Variants in FRMD4A observed in about 807,000 individuals in gnomAD.
The protein encoded by FRMD4A is FERM domain containing 4A, also known as FERM domain-containing protein 4A.
In FRMD4A, 29 loss-of-function variants were observed where a neutral mutation model predicts 129.1. That is an observed-to-expected ratio of 0.22 (90% CI 0.17 to 0.31). The LOEUF (loss-of-function observed/expected upper bound fraction) is 0.31. FRMD4A is among the 10% of genes least tolerant of loss of function. The pLI, the probability that FRMD4A is intolerant of heterozygous loss-of-function variation, is 1.00. For synonymous variants in FRMD4A, 634 were observed against 571.6 expected (o/e 1.11, Z -1.56); for missense variants, 1,272 against 1,375.8 (o/e 0.92, Z 1.19).
chr10:14,235,338 C>T (rs1006423300), intron 2 of FRMD4A, among the ~76,000 whole-genome samples: 3 of 149,534 alleles, frequency 2.0e-5, no homozygotes, highest in African/African-American at 4.9e-5. Context: ...TTAGTAGAGA[C>T]GGGGTTTCAC....
intron 2 of FRMD4A, among the ~76,000 whole-genome samples, chr10:14,152,062 A>G (rs1202276714): frequency 6.8e-6 from 1 of 146,084 alleles, no homozygotes; most frequent in Non-Finnish European, 1.5e-5. Context: ...AATACACTAC[A>G]GTTTGCTGGA....
intron 2 of FRMD4A, among the ~76,000 whole-genome samples, chr10:14,327,578 G>A (rs1345572537): frequency 2.0e-5 from 3 of 152,190 alleles, no homozygotes; most frequent in African/African-American, 7.2e-5. Flanking sequence ...CAGACTCTGT[G>A]GCCGCTTCTG....
intron 2 of FRMD4A, among the ~76,000 whole-genome samples, chr10:13,886,286 C>A (rs543731793): frequency 2.6e-5 from 4 of 151,446 alleles, no homozygotes; most frequent in African/African-American, 9.7e-5. Context: ...AAAAACCCTG[C>A]AAAGAAGGCT....
intron 2 of FRMD4A, among the ~76,000 whole-genome samples, chr10:14,130,356 G>A (rs1191099264): frequency 1.3e-5 from 2 of 152,096 alleles, no homozygotes; most frequent in Non-Finnish European, 1.5e-5. Flanking sequence ...GATCTCCTGG[G>A]CTCAAGTGAT....
At position 14,067,438 on chromosome 10, in the gene FRMD4A, T is replaced by TA. The variant is rs535960775; in HGVS notation, c.46-208527dup. On this transcript the variant is annotated intron_variant, in intron 2 of 24. Transcript: ENST00000357447. Reference sequence around the variant, plus strand: ...ACTTAAAGGAAAAGAAAGCTAAACATAGAACAATCGGTCAGCTTTATTTAT... The same window carrying TA: ...ACTTAAAGGAAAAGAAAGCTAAACATAAGAACAATCGGTCAGCTTTATTTAT... Among the ~76,000 whole-genome samples the TA allele has an allele frequency of 7.9e-5, 12 of 152,180 alleles. No individual in the cohort carries two copies. The South Asian group carries it at 2.5e-3, about 32-fold the overall frequency.
intron 2 of FRMD4A, among the ~76,000 whole-genome samples, chr10:14,215,007 C>G (rs1394298663): frequency 6.6e-6 from 1 of 152,144 alleles, no homozygotes; most frequent in Non-Finnish European, 1.5e-5. Context: ...TGAATTAGAG[C>G]AAGCATGATG....
At chr10:13,654,343 A>T in intron 23 of FRMD4A, 73 bp downstream of exon 23, 2 of 972,398 alleles carry the variant, frequency 2.1e-6, no homozygotes, top group Non-Finnish European at 3.4e-6. Context: ...ACATATCCTT[A>T]TGTCACCAGG....
intron 2 of FRMD4A, among the ~76,000 whole-genome samples, chr10:13,927,577 A>G (rs1469145500): frequency 6.6e-6 from 1 of 152,242 alleles, no homozygotes; most frequent in Non-Finnish European, 1.5e-5. Flanking sequence ...ATTTTAAAAT[A>G]GCCAAAAAAT....
chr10:13,650,410 GAGCATGAACTC>G (rs2081469830), intron 24 of FRMD4A, among the ~76,000 whole-genome samples: 1 of 150,312 alleles, frequency 6.7e-6, no homozygotes, highest in African/African-American at 2.5e-5. Context: ...ATGTATGCAT[GAGCATGAACTC>G]GTGTATGTAT....
chr10:13,772,875 C>G (rs1482072822), intron 6 of FRMD4A, among the ~76,000 whole-genome samples: 1 of 151,972 alleles, frequency 6.6e-6, no homozygotes, highest in Non-Finnish European at 1.5e-5. Context: ...TGAATAAGAC[C>G]TAGTATTTGA....
intron 2 of FRMD4A, among the ~76,000 whole-genome samples, chr10:14,029,705 A>T (rs1434052775): frequency 6.6e-6 from 1 of 152,104 alleles, no homozygotes; most frequent in Non-Finnish European, 1.5e-5. Flanking sequence ...AAACCTAAGT[A>T]GAAGTTTAAT....
intron 4 of FRMD4A, among the ~76,000 whole-genome samples, chr10:13,797,787 C>T (rs979542209): frequency 6.6e-6 from 1 of 152,160 alleles, no homozygotes; most frequent in Non-Finnish European, 1.5e-5. Context: ...CAAAATCTGT[C>T]TGCATCATTG....
chr10:13,789,587 CACAT>C lies in FRMD4A; in HGVS notation c.300-6585_300-6582del, dbSNP rs113781387. On this transcript the variant is annotated intron_variant, in intron 5 of 24. Coordinates refer to ENST00000357447, the MANE Select transcript of FRMD4A (RefSeq NM_018027.5). ...ACACACACACACACACACACACACA[CACAT>C]GACGCAGACTTCCTTGGGTTGTGTA... Among the ~76,000 whole-genome samples the C allele has an allele frequency of 7.9e-3, 1,198 of 151,082 alleles. 16 individuals carry two copies. The highest frequency in any genetic ancestry group is 0.028 in the African/African-American group (1,131 of 40,848).
At chr10:14,083,624 A>T (rs1220869746) in intron 2 of FRMD4A, 1 of 152,246 alleles carries the variant, frequency 6.6e-6, no homozygotes, top group Non-Finnish European at 1.5e-5. Flanking sequence ...TAAGTTGTGA[A>T]TTTGACAGAG....
At chr10:14,177,551 C>T (rs746991810) in intron 2 of FRMD4A, among the ~76,000 whole-genome samples, 22 of 152,122 alleles carry the variant, frequency 1.4e-4, no homozygotes, top group Non-Finnish European at 2.4e-4. Flanking sequence ...TTACCTGCCC[C>T]GCTGCCTCCT....
At chr10:14,244,626 T>C (rs1392494115) in intron 2 of FRMD4A, among the ~76,000 whole-genome samples, 1 of 152,148 alleles carries the variant, frequency 6.6e-6, no homozygotes, top group South Asian at 2.1e-4. Context: ...CAAAACGAAA[T>C]GAAAAACCAA....
At chr10:14,242,059 C>A (rs1448503848) in intron 2 of FRMD4A, among the ~76,000 whole-genome samples, 2 of 152,156 alleles carry the variant, frequency 1.3e-5, no homozygotes, top group Non-Finnish European at 2.9e-5. Context: ...TGCCTAGCTC[C>A]ATACTCACTA....
At chr10:13,967,161 C>T (rs529114388) in intron 2 of FRMD4A, among the ~76,000 whole-genome samples, 3 of 152,232 alleles carry the variant, frequency 2.0e-5, no homozygotes, top group Non-Finnish European at 2.9e-5. Context: ...ACGGTGAAAC[C>T]CTGTCTCTAC....
At chr10:13,685,134 A>C (rs1453476516) in intron 15 of FRMD4A, 3 of 984,606 alleles carry the variant, frequency 3.0e-6, no homozygotes, top group African/African-American at 3.5e-5. Flanking sequence ...ATAGAGAATT[A>C]GATGTGATTT....
Sources: gnomAD v4.1 joint callset for allele counts (sites outside exome capture counted in the v4.1 genomes callset) on GRCh38, gnomAD v4.1.1 for gene constraint, MANE v1.5 for transcripts, NCBI Gene and HGNC (gene_info 2026-07-23, HGNC 2026-07-21) for gene names.